Variants in DPP10 observed in about 807,000 individuals in gnomAD.
DPP10 encodes the protein dipeptidyl peptidase like 10.
A neutral mutation model predicts 120.9 loss-of-function variants in DPP10; 33 were observed. The observed-to-expected ratio is 0.27, with a 90% confidence interval of 0.21 to 0.37. The LOEUF (loss-of-function observed/expected upper bound fraction) is 0.37. Among genes scored for constraint, DPP10 ranks in the 10% least tolerant of loss-of-function variants. The pLI is 1.00. For missense variants in DPP10, 816 were observed against 942.8 expected (o/e 0.87, Z 1.76); for synonymous variants, 337 against 326.1 (o/e 1.03, Z -0.36).
At chr2:115,832,590 T>G (rs541566766) in intron 21 of DPP10, among the ~76,000 whole-genome samples, 15 of 152,348 alleles carry the variant, frequency 9.8e-5, no homozygotes, top group African/African-American at 3.6e-4. Context: ...AAATAGAATT[T>G]TATTCAACAG....
intron 1 of DPP10, among the ~76,000 whole-genome samples, chr2:114,949,154 A>G (rs1697587023): frequency 6.6e-6 from 1 of 151,984 alleles, no homozygotes; most frequent in Admixed American, 6.6e-5. Context: ...CCATCTCCTG[A>G]CCTTGTGATG....
At chr2:115,443,426 T>G (rs963071744) in intron 3 of DPP10, among the ~76,000 whole-genome samples, 21 of 152,208 alleles carry the variant, frequency 1.4e-4, no homozygotes, top group African/African-American at 5.1e-4. Flanking sequence ...ATTTGGAAGT[T>G]TTTTATTCAT....
chr2:115,394,532 A>G (rs868179808), intron 3 of DPP10, among the ~76,000 whole-genome samples: 8 of 152,036 alleles, frequency 5.3e-5, no homozygotes, highest in Non-Finnish European at 1.2e-4. Flanking sequence ...TGTCCCAAAC[A>G]TTAGTGAAAC....
chr2:115,664,717 G>C (rs2089302410), intron 5 of DPP10, among the ~76,000 whole-genome samples: 1 of 152,068 alleles, frequency 6.6e-6, no homozygotes. Context: ...TACCCCAACT[G>C]GGTTCATGAT....
chr2:115,310,861 C>T (rs1281501254), intron 2 of DPP10, among the ~76,000 whole-genome samples: 1 of 152,172 alleles, frequency 6.6e-6, no homozygotes, highest in Non-Finnish European at 1.5e-5. Flanking sequence ...ATGTCATAAT[C>T]CCTGTGTATT....
At chr2:115,412,742 A>G (rs2069054305) in intron 3 of DPP10, among the ~76,000 whole-genome samples, 1 of 152,120 alleles carries the variant, frequency 6.6e-6, no homozygotes. Flanking sequence ...TTCTTCACAC[A>G]TTGTTTTTTA....
chr2:115,354,344 T>A (rs7561031), intron 3 of DPP10, among the ~76,000 whole-genome samples: 1 of 151,770 alleles, frequency 6.6e-6, no homozygotes, highest in African/African-American at 2.4e-5. Context: ...CTACCCCCTC[T>A]TATTTTCACC....
At chr2:115,328,958 T>C (rs1251557767) in intron 2 of DPP10, among the ~76,000 whole-genome samples, 2 of 152,102 alleles carry the variant, frequency 1.3e-5, no homozygotes, top group Non-Finnish European at 2.9e-5. Flanking sequence ...TCATTGCCCA[T>C]CCCCTTTTGA....
At chr2:115,593,668 G>A (rs796987653) in intron 5 of DPP10, among the ~76,000 whole-genome samples, 2 of 152,260 alleles carry the variant, frequency 1.3e-5, no homozygotes, top group African/African-American at 2.4e-5. Flanking sequence ...CAAAACTAAT[G>A]GACAAGGCTA....
At chr2:115,553,615 T>C (rs527703550) in intron 5 of DPP10, among the ~76,000 whole-genome samples, 1 of 151,858 alleles carries the variant, frequency 6.6e-6, no homozygotes, top group East Asian at 1.9e-4. Context: ...GATCAGGACA[T>C]TGATTAAATG....
At chr2:114,632,765 G>A (rs962824802) in intron 1 of DPP10, among the ~76,000 whole-genome samples, 4 of 152,062 alleles carry the variant, frequency 2.6e-5, no homozygotes, top group African/African-American at 9.7e-5. Flanking sequence ...ACCTGCCTGG[G>A]CCTCCCAAAG....
chr2:114,970,887 C>G (rs1417866439), intron 1 of DPP10, among the ~76,000 whole-genome samples: 5 of 152,082 alleles, frequency 3.3e-5, no homozygotes, highest in Non-Finnish European at 5.9e-5. Context: ...GAATATGCAT[C>G]TAACTGGTTT....
At chr2:115,769,022 A>G (rs916851491) in intron 13 of DPP10, among the ~76,000 whole-genome samples, 2 of 152,060 alleles carry the variant, frequency 1.3e-5, no homozygotes, top group African/African-American at 4.8e-5. Context: ...AAGGGTTTAT[A>G]CAGTTTTATT....
chr2:115,567,001 GT>G (rs1416524419), intron 5 of DPP10, among the ~76,000 whole-genome samples: 1 of 152,086 alleles, frequency 6.6e-6, no homozygotes, highest in African/African-American at 2.4e-5. Context: ...GACGTAAGTA[GT>G]TTGAAATTGC....
At chr2:114,501,718 T>C (rs1683199205) in intron 1 of DPP10, among the ~76,000 whole-genome samples, 1 of 152,168 alleles carries the variant, frequency 6.6e-6, no homozygotes, top group Non-Finnish European at 1.5e-5. Context: ...ATCCTGCTTA[T>C]GGTTTTGGTG....
intron 1 of DPP10, among the ~76,000 whole-genome samples, chr2:114,873,776 C>A (rs546589959): frequency 1.3e-5 from 2 of 152,132 alleles, no homozygotes; most frequent in Non-Finnish European, 2.9e-5. Context: ...TCATGCAGCT[C>A]TGTGAGGAGA....
intron 1 of DPP10, among the ~76,000 whole-genome samples, chr2:114,600,289 T>A (rs1294285312): frequency 6.6e-6 from 1 of 151,786 alleles, no homozygotes; most frequent in Non-Finnish European, 1.5e-5. Context: ...GATTGTTTCT[T>A]CTGTAATATC....
At chr2:115,154,585 C>T (rs75378930) in intron 1 of DPP10, among the ~76,000 whole-genome samples, 8,371 of 151,998 alleles carry the variant, frequency 0.055, 341 homozygotes, top group East Asian at 0.23. Context: ...CCTGGATGAT[C>T]CTATTCAGTA....
At chr2:114,543,373 C>T (rs1365623840) in intron 1 of DPP10, among the ~76,000 whole-genome samples, 1 of 152,124 alleles carries the variant, frequency 6.6e-6, no homozygotes, top group Admixed American at 6.5e-5. Context: ...CTCCTGCGTC[C>T]CTGAAGCAAA....
Sources: gnomAD v4.1 joint callset for allele counts (sites outside exome capture counted in the v4.1 genomes callset) on GRCh38, gnomAD v4.1.1 for gene constraint, MANE v1.5 for transcripts, NCBI Gene and HGNC (gene_info 2026-07-23, HGNC 2026-07-21) for gene names.